PCP2: variants seen among roughly 807,000 people sequenced by gnomAD.
PCP2 encodes Purkinje cell protein 2 homolog.
A neutral mutation model predicts 18.3 loss-of-function variants in PCP2; 21 were observed. That is an observed-to-expected ratio of 1.14 (90% CI 0.81 to 1.65). PCP2 has a LOEUF of 1.65. Ranked by LOEUF, PCP2 falls within the 40% of genes most tolerant of loss-of-function variation. PCP2 has a pLI of 0.00. For missense variants in PCP2, 202 were observed against 201.8 expected (o/e 1.00, Z 0.00); for synonymous variants, 85 against 77.6 (o/e 1.10, Z -0.50).
Position 7,631,997 on chromosome 19 carries a change from C to T in PCP2, c.292-189G>A, listed in dbSNP as rs111230831. 1,770 of 531,010 alleles carry T rather than the reference C, an allele frequency of 3.3e-3. 22 individuals are homozygous for T. Among genetic ancestry groups the T allele is most frequent in the African/African-American group, 0.032 (1,612 of 51,172 alleles). 32.9% of individuals were successfully genotyped at this position (531,010 alleles called of 1,614,324 possible). On this transcript the variant is annotated intron_variant, in intron 3 of 3. Transcript: ENST00000311069. The stretch of plus-strand genomic sequence containing the variant: ...GTGAGGTGGCAGGTCTTGGGGCCCT[C>T]GCTGGGATCTTGATCAGAACCCAAG...
At position 7,631,747 on chromosome 19, in the gene PCP2, G is replaced by T; in HGVS notation, c.353C>A (p.Pro118Gln). ...SPQPLLTPQDPTALGFRRNSS... is the reference protein window; with the variant it reads ...SPQPLLTPQDQTALGFRRNSS... Reference sequence around the variant, plus strand: ...GTTCCGACGGAAGCCGAGAGCGGTCGGGTCCTGAGGGGTGAGCAGGGGTTG... The same window carrying T: ...GTTCCGACGGAAGCCGAGAGCGGTCTGGTCCTGAGGGGTGAGCAGGGGTTG... The change falls in exon 4 of 4, where the codon CCG becomes CAG. Residue 118 changes from proline to glutamine, a missense_variant. Physicochemically the swap from Pro to Gln is moderately conservative, Grantham distance 76. Transcript: ENST00000311069. 7.0e-7 allele frequency: 1 copy of T among 1,438,386 alleles called. No homozygotes were observed. Among genetic ancestry groups the T allele is most frequent in the Admixed American group, 2.6e-5 (1 of 38,208 alleles). 89.1% of individuals were successfully genotyped at this position (1,438,386 alleles called of 1,614,324 possible).
chr19:7,633,484 C>T lies in PCP2; in HGVS notation c.-27G>A. 1.3e-6 allele frequency: 2 copies of T among 1,563,036 alleles called. No homozygotes were observed. Among genetic ancestry groups the T allele is most frequent in the East Asian group, 2.4e-5 (1 of 42,538 alleles). On this transcript the variant is annotated 5_prime_UTR_variant, in exon 1 of 4. Coordinates refer to ENST00000311069, the MANE Select transcript of PCP2 (RefSeq NM_174895.3). ...TCCCTGGACTCCAGTCACTTTTCTG[C>T]TGGCCTCTGCCCCGGCCCAGTGCCA... is the stretch of plus-strand genomic sequence containing the variant.
In PCP2 at chr19:7,633,087, G is replaced by A. The variant is rs901081646; in HGVS notation, c.52-257C>T. The A allele has an allele frequency of 1.2e-4, 149 of 1,220,946 alleles. 2 individuals carry two copies. The South Asian group carries it at 1.6e-3, about 13-fold the overall frequency. 75.6% of individuals were successfully genotyped at this position (1,220,946 alleles called of 1,614,324 possible). ...GGTACCGCTTCAAGGGACAGGCTCC[G>A]ATGCGTGTCCCGCCGTCCTAGATTG... is the stretch of plus-strand genomic sequence containing the variant. On this transcript the variant is annotated intron_variant, in intron 1 of 3. Transcript: ENST00000311069.
At position 7,633,327 on chromosome 19, in the gene PCP2, G is replaced by C. The variant is rs1599381586; in HGVS notation, c.51+80C>G. The C allele has an allele frequency of 1.0e-5, 14 of 1,345,092 alleles. No homozygotes were observed. The East Asian group carries it at 3.3e-4, about 31-fold the overall frequency. The allele number at this position is 1,345,092 out of a possible 1,614,324, so 83.3% of individuals were successfully genotyped here. Reference sequence around the variant, plus strand: ...TCCTAGGAGACTCACTCGTTAATTAGGTGCCCTACAAACTAGTCTTGTCAA... The same window carrying C: ...TCCTAGGAGACTCACTCGTTAATTACGTGCCCTACAAACTAGTCTTGTCAA... On this transcript the variant is annotated intron_variant, in intron 1 of 3. Transcript: ENST00000311069.
upstream of PCP2, among the ~76,000 whole-genome samples, chr19:7,635,358 G>A (rs1026478600): frequency 1.3e-5 from 2 of 152,208 alleles, no homozygotes; most frequent in South Asian, 2.1e-4. Context: ...TTAGGTCAGC[G>A]AGTTGTATGG....
upstream of PCP2, among the ~76,000 whole-genome samples, chr19:7,635,671 G>A (rs1047026970): frequency 2.0e-5 from 3 of 152,060 alleles, no homozygotes; most frequent in African/African-American, 7.3e-5. Flanking sequence ...CCTCCAGCCT[G>A]AGCAACAGAG....
rs771505343 is a variant in PCP2 at position 7,632,702 on chromosome 19, G to A, written c.166+14C>T. Reference sequence around the variant, plus strand: ...TTCACGCCCCATGGACAGCACCCCCGTGCCCATGCTCACGGCTCTTGGTGG... The same window carrying A: ...TTCACGCCCCATGGACAGCACCCCCATGCCCATGCTCACGGCTCTTGGTGG... On this transcript the variant is annotated intron_variant, in intron 2 of 3. Coordinates refer to ENST00000311069, the MANE Select transcript of PCP2 (RefSeq NM_174895.3). The surrounding 1 kb of genome is among the most constrained non-coding windows in gnomAD (Gnocchi z 5.2). 1.8e-5 allele frequency: 28 copies of A among 1,552,324 alleles called. No individual in the cohort carries two copies. Among genetic ancestry groups the A allele is most frequent in the East Asian group, 1.4e-4 (6 of 41,756 alleles).
At chr19:7,635,656 A>G (rs1346607724), upstream of PCP2, among the ~76,000 whole-genome samples, 4 of 152,182 alleles carry the variant, frequency 2.6e-5, no homozygotes, top group Non-Finnish European at 5.9e-5. Flanking sequence ...TGATCGTGCC[A>G]CTGCCCTCCA....
chr19:7,634,406 A>G (rs4804758), upstream of PCP2, among the ~76,000 whole-genome samples: 44,386 of 152,190 alleles, frequency 0.29, 7,164 homozygotes, highest in Non-Finnish European at 0.37. Flanking sequence ...GTTCCACAAA[A>G]GGCCAAGTTC....
chr19:7,633,125 T>C (rs2031400974), intron 1 of PCP2: 1 of 495,434 alleles, frequency 2.0e-6, no homozygotes, highest in African/African-American at 2.1e-5. Context: ...GCCTGATGAG[T>C]GTGGCCTGGG....
chr19:7,631,972 G>T, intron 3 of PCP2, 164 bp from the exon 4 acceptor site: 2 of 703,498 alleles, frequency 2.8e-6, no homozygotes, highest in Middle Eastern at 4.3e-4. Flanking sequence ...GCATTTGAGT[G>T]TGAGGTGGCA....
At position 7,632,723 on chromosome 19, in the gene PCP2, G is replaced by T. The variant is rs1009512548; in HGVS notation, c.159C>A (p.Thr53=). The change falls in exon 2 of 4, where the codon ACC becomes ACA. Residue 53 remains threonine, a synonymous_variant. Coordinates refer to ENST00000311069, the MANE Select transcript of PCP2 (RefSeq NM_174895.3). The surrounding 1 kb of genome is among the most constrained non-coding windows in gnomAD (Gnocchi z 5.2). ...CSLQAGPGQT[T]KSQSDPTPEM... is the part of the protein sequence containing the mutation. ...CCCCGTGCCCATGCTCACGGCTCTTGGTGGTCTGGCCCGGCCCGGCTTGCA... is the reference window on the plus strand; with the variant it reads ...CCCCGTGCCCATGCTCACGGCTCTTTGTGGTCTGGCCCGGCCCGGCTTGCA... 5.8e-6 allele frequency: 9 copies of T among 1,559,434 alleles called. No individual in the cohort carries two copies. Among genetic ancestry groups the T allele is most frequent in the Admixed American group, 1.9e-5 (1 of 53,452 alleles).
In PCP2 at chr19:7,632,603, G is replaced by A. The variant is rs565912453; in HGVS notation, c.167-86C>T. 2.3e-5 allele frequency: 37 copies of A among 1,592,390 alleles called. No homozygotes were observed. In the Admixed American group the frequency reaches 6.2e-4, roughly 27 times the overall value. ...CCTTCACCCCCACACAGATGCTTCAGGGTGCACAACCACCTCCCACATCCC... is the reference window on the plus strand; with the variant it reads ...CCTTCACCCCCACACAGATGCTTCAAGGTGCACAACCACCTCCCACATCCC... On this transcript the variant is annotated intron_variant, in intron 2 of 3. Coordinates refer to ENST00000311069, the MANE Select transcript of PCP2 (RefSeq NM_174895.3). The surrounding 1 kb of genome is among the most constrained non-coding windows in gnomAD (Gnocchi z 5.2).
At chr19:7,631,864 G>A (rs1287045751) in intron 3 of PCP2, 56 bp from the exon 4 acceptor site, 1 of 1,367,858 alleles carries the variant, frequency 7.3e-7, no homozygotes, top group South Asian at 2.3e-5. Flanking sequence ...GCCGGCCACA[G>A]GTGGCGAACA....
upstream of PCP2, among the ~76,000 whole-genome samples, chr19:7,635,591 G>A (rs151199415): frequency 2.6e-5 from 4 of 152,270 alleles, no homozygotes; most frequent in Non-Finnish European, 2.9e-5. Context: ...AGCTACTTGG[G>A]TGGCCGAAGT....
Position 7,632,122 on chromosome 19 carries a change from G to T in PCP2, c.291+271C>A. The T allele has an allele frequency of 1.7e-6, 1 of 575,942 alleles. No individual in the cohort carries two copies. Among genetic ancestry groups the T allele is most frequent in the Non-Finnish European group, 3.0e-6 (1 of 331,824 alleles). 35.7% of individuals were successfully genotyped at this position (575,942 alleles called of 1,614,324 possible). A position where few individuals can be genotyped will look rare whatever the true frequency, so the allele number is the denominator to read the frequency against. ...CTCCCTGGGATACTTTCCTAGGAAGGGGTCCTATTTTCTCCCTTTGGCCTC... is the reference window on the plus strand; with the variant it reads ...CTCCCTGGGATACTTTCCTAGGAAGTGGTCCTATTTTCTCCCTTTGGCCTC... On this transcript the variant is annotated intron_variant, in intron 3 of 3. Coordinates refer to ENST00000311069, the MANE Select transcript of PCP2 (RefSeq NM_174895.3). The surrounding 1 kb of genome is among the most constrained non-coding windows in gnomAD (Gnocchi z 5.2).
chr19:7,634,141 C>G (rs1239933980), upstream of PCP2, among the ~76,000 whole-genome samples: 1 of 152,196 alleles, frequency 6.6e-6, no homozygotes, highest in African/African-American at 2.4e-5. Context: ...GAGCTATCTC[C>G]TCTCCTCTAT....
upstream of PCP2, among the ~76,000 whole-genome samples, chr19:7,635,014 T>C (rs1432543524): frequency 6.6e-6 from 1 of 152,268 alleles, no homozygotes; most frequent in African/African-American, 2.4e-5. Flanking sequence ...TACTCCAGTG[T>C]GACCTCATGC....
chr19:7,632,088 C>T lies in PCP2; in HGVS notation c.292-280G>A, dbSNP rs576649661. The T allele has an allele frequency of 3.6e-3, 1,987 of 556,420 alleles. 13 individuals are homozygous for T. Among genetic ancestry groups the T allele is most frequent in the Non-Finnish European group, 4.2e-3 (1,330 of 316,646 alleles). The allele number at this position is 556,420 out of a possible 1,614,324, so 34.5% of individuals were successfully genotyped here. ...TGTATATATCCTATGTGTGAGCTTA[C>T]GTGACTTCCTCCCTGGGATACTTTC... On this transcript the variant is annotated intron_variant, in intron 3 of 3. Coordinates refer to ENST00000311069, the MANE Select transcript of PCP2 (RefSeq NM_174895.3). This position sits in a 1 kb window ranked among gnomAD's most constrained non-coding sequence, Gnocchi z 5.2.
Sources: gnomAD v4.1 joint callset for allele counts (sites outside exome capture counted in the v4.1 genomes callset) on GRCh38, gnomAD v4.1.1 for gene constraint, Gnocchi (gnomAD v3.1) non-coding constraint, MANE v1.5 for transcripts, NCBI Gene and HGNC (gene_info 2026-07-23, HGNC 2026-07-21) for gene names.